HMG20A: variants seen among roughly 807,000 people sequenced by gnomAD.
HMG20A encodes the protein high mobility group protein 20A.
Under a neutral mutation model 43.9 loss-of-function variants are expected in HMG20A, and 17 were observed. The observed-to-expected ratio is 0.39, with a 90% CI of 0.27 to 0.58. The LOEUF (loss-of-function observed/expected upper bound fraction) is 0.58. HMG20A is among the 20% of genes least tolerant of loss of function. HMG20A has a pLI of 0.59. For missense variants in HMG20A, 341 were observed against 438.2 expected, an observed-to-expected ratio of 0.78 and a Z score of 1.98; for synonymous variants, 132 against 147.5, an observed-to-expected ratio of 0.89 and a Z score of 0.76.
intron 4 of HMG20A, among the ~76,000 whole-genome samples, chr15:77,470,696 T>G (rs905937774): frequency 5.3e-5 from 8 of 152,212 alleles, no homozygotes; most frequent in African/African-American, 2.4e-5. Context: ...ATAAATATTC[T>G]AAAAACTCAT....
At chr15:77,459,704 G>A (rs908624695) in intron 2 of HMG20A, among the ~76,000 whole-genome samples, 3 of 152,186 alleles carry the variant, frequency 2.0e-5, no homozygotes, top group Non-Finnish European at 4.4e-5. Flanking sequence ...GAAATAGCCA[G>A]GAGGACAGTG....
the HMG20A span, among the ~76,000 whole-genome samples, chr15:77,507,884 G>A: frequency 9.9e-5 from 15 of 151,228 alleles, no homozygotes; most frequent in African/African-American, 3.7e-4. Context: ...TTGTGGGGGG[G>A]CGGTGCTGAG....
chr15:77,514,043 T>C, the HMG20A span, among the ~76,000 whole-genome samples: 1 of 152,170 alleles, frequency 6.6e-6, no homozygotes, highest in African/African-American at 2.4e-5. Flanking sequence ...ACTGTCTACA[T>C]AATTGCAAAG....
At chr15:77,475,248 G>A (rs2072845001) in intron 6 of HMG20A, among the ~76,000 whole-genome samples, 1 of 152,098 alleles carries the variant, frequency 6.6e-6, no homozygotes, top group African/African-American at 2.4e-5. Flanking sequence ...GAGCGCTGAT[G>A]GTTTTTATTA....
the HMG20A span, among the ~76,000 whole-genome samples, chr15:77,495,841 CT>C: frequency 4.7e-4 from 72 of 152,310 alleles, 1 homozygote; most frequent in African/African-American, 1.6e-3. Context: ...GTGTCCGCCC[CT>C]ACTTTGATCT....
intron 4 of HMG20A, 71 bp from the exon 5 acceptor site, chr15:77,470,839 C>A: frequency 7.5e-7 from 1 of 1,325,854 alleles, no homozygotes; most frequent in Non-Finnish European, 1.0e-6. Context: ...CTGTTTTCTT[C>A]AAATAGGTAA....
the HMG20A span, among the ~76,000 whole-genome samples, chr15:77,491,873 T>C: frequency 1.3e-5 from 2 of 152,174 alleles, no homozygotes. Context: ...AAAAGAAAGA[T>C]AGTGAGGTGT....
intron 7 of HMG20A, 179 bp from the exon 8 acceptor site, chr15:77,478,116 T>C (rs560876995): frequency 1.5e-5 from 9 of 613,878 alleles, no homozygotes; most frequent in Non-Finnish European, 2.3e-5. Context: ...AAAATAGCTC[T>C]GGGGAGTCAG....
the HMG20A span, among the ~76,000 whole-genome samples, chr15:77,505,068 T>G: frequency 3.3e-5 from 5 of 152,194 alleles, no homozygotes; most frequent in African/African-American, 1.2e-4. Flanking sequence ...GGACACAGAA[T>G]CCTGGACTGG....
intron 1 of HMG20A, among the ~76,000 whole-genome samples, chr15:77,444,845 G>T (rs2073655172): frequency 6.6e-6 from 1 of 152,162 alleles, no homozygotes; most frequent in Non-Finnish European, 1.5e-5. Context: ...TGTTACAGTT[G>T]TGCCTATTCA....
the HMG20A span, among the ~76,000 whole-genome samples, chr15:77,492,861 G>C: frequency 6.6e-6 from 1 of 152,074 alleles, no homozygotes; most frequent in Non-Finnish European, 1.5e-5. Flanking sequence ...ATGCAGTGGG[G>C]ATGGAGTAAA....
At chr15:77,492,465 T>A in the HMG20A span, among the ~76,000 whole-genome samples, 1 of 152,118 alleles carries the variant, frequency 6.6e-6, no homozygotes, top group African/African-American at 2.4e-5. Flanking sequence ...TAAATACTCT[T>A]GAATTCAAGG....
At chr15:77,505,289 G>A in the HMG20A span, among the ~76,000 whole-genome samples, 4 of 152,252 alleles carry the variant, frequency 2.6e-5, no homozygotes, top group Non-Finnish European at 4.4e-5. Context: ...TTCCAGGTTC[G>A]AGGTAAAGGG....
chr15:77,464,118 A>G (rs2072732824), intron 2 of HMG20A, 122 bp from the exon 3 acceptor site: 1 of 1,101,484 alleles, frequency 9.1e-7, no homozygotes, highest in Non-Finnish European at 1.3e-6. Context: ...TTACATTTAT[A>G]CAGATTATTG....
At chr15:77,505,680 T>A in the HMG20A span, among the ~76,000 whole-genome samples, 1 of 152,218 alleles carries the variant, frequency 6.6e-6, no homozygotes. Context: ...GTTCACCAGC[T>A]AGAGAAATGT....
intron 1 of HMG20A, among the ~76,000 whole-genome samples, chr15:77,437,721 G>A (rs754952150): frequency 6.6e-6 from 1 of 151,534 alleles, no homozygotes; most frequent in Non-Finnish European, 1.5e-5. Flanking sequence ...ACAGGCATGC[G>A]CCACCACACC....
intron 3 of HMG20A, 50 bp downstream of exon 3, chr15:77,464,437 A>G (rs1481133621): frequency 3.2e-6 from 5 of 1,586,920 alleles, no homozygotes; most frequent in Non-Finnish European, 4.3e-6. Context: ...CTTCTGAAGA[A>G]GCAGTCACAA....
At chr15:77,474,603 A>C (rs1008577739) in intron 6 of HMG20A, among the ~76,000 whole-genome samples, 1 of 152,198 alleles carries the variant, frequency 6.6e-6, no homozygotes, top group Admixed American at 6.5e-5. Context: ...CAGTTAAGTA[A>C]ACTATTTGGT....
At chr15:77,450,909 A>G (rs1017040093) in intron 1 of HMG20A, among the ~76,000 whole-genome samples, 4 of 152,196 alleles carry the variant, frequency 2.6e-5, no homozygotes, top group Admixed American at 6.5e-5. Flanking sequence ...GTGTAGTGGT[A>G]GCTCACTATT....
Sources: allele counts gnomAD v4.1 joint callset (sites outside exome capture counted in the v4.1 genomes callset), GRCh38; gene constraint gnomAD v4.1.1; transcripts MANE v1.5; gene names NCBI Gene and HGNC (gene_info 2026-07-23, HGNC 2026-07-21).